MTPN: variants seen among roughly 807,000 people sequenced by gnomAD.
MTPN encodes myotrophin.
Under a neutral mutation model 13.5 loss-of-function variants are expected in MTPN, and 2 were observed. That is an observed-to-expected ratio of 0.15 (90% CI 0.06 to 0.47). MTPN has a LOEUF of 0.47. Among genes scored for constraint, MTPN ranks in the 20% least tolerant of loss-of-function variants. MTPN has a pLI of 0.97. For missense variants in MTPN, 79 were observed against 137.9 expected, an observed-to-expected ratio of 0.57 and a Z score of 2.14; for synonymous variants, 46 against 51.7, an observed-to-expected ratio of 0.89 and a Z score of 0.48.
rs1261048636 is a variant in MTPN at position 135,977,260 on chromosome 7, G to A, written c.-160C>T. ...TGCCAGGCGGGCGAGGCAGTTGGCC[G>A]CGGCGACCGTTCGGGCGGGAGAAAG... is the stretch of plus-strand genomic sequence containing the variant. On this transcript the variant is annotated 5_prime_UTR_variant, in exon 1 of 4. Coordinates refer to ENST00000393085, the MANE Select transcript of MTPN (RefSeq NM_145808.4). The A allele has an allele frequency of 3.3e-5, 23 of 704,496 alleles. No homozygotes were observed. In the Admixed American group the frequency reaches 5.1e-4, roughly 16 times the overall value. The allele number at this position is 704,496 out of a possible 1,614,324, so 43.6% of individuals were successfully genotyped here. A position where few individuals can be genotyped will look rare whatever the true frequency, so the allele number is the denominator to read the frequency against.
At chr7:135,966,426 T>C (rs917564009) in intron 1 of MTPN, among the ~76,000 whole-genome samples, 3 of 152,090 alleles carry the variant, frequency 2.0e-5, no homozygotes, top group African/African-American at 7.2e-5. Context: ...AGTACCATCA[T>C]GCATATCCCT....
intron 1 of MTPN, among the ~76,000 whole-genome samples, chr7:135,959,136 A>C (rs1033414610): frequency 1.3e-5 from 2 of 152,184 alleles, no homozygotes; most frequent in African/African-American, 4.8e-5. Flanking sequence ...AAAGTTGTGA[A>C]CACACTATGT....
intron 1 of MTPN, chr7:135,960,805 T>A (rs573683923): frequency 1.3e-5 from 2 of 151,552 alleles, no homozygotes; most frequent in African/African-American, 4.9e-5. Context: ...ACAGTCCATA[T>A]TTTTTTGGTT....
chr7:135,968,181 A>G (rs1044978588), intron 1 of MTPN, among the ~76,000 whole-genome samples: 3 of 152,034 alleles, frequency 2.0e-5, no homozygotes, highest in African/African-American at 7.2e-5. Flanking sequence ...ATTCTTTTTT[A>G]TATGTCAAAT....
At chr7:135,943,250 T>C (rs1799241163) in intron 3 of MTPN, among the ~76,000 whole-genome samples, 2 of 152,194 alleles carry the variant, frequency 1.3e-5, no homozygotes, top group South Asian at 4.1e-4. Flanking sequence ...AAGTAACAAA[T>C]AGTAATTCAA....
rs1343659985 is a variant in MTPN, at chr7:135,930,017, A to G, written c.271-5T>C. 1 of 1,611,454 alleles carries G rather than the reference A, an allele frequency of 6.2e-7. No homozygotes were observed. The highest frequency in any genetic ancestry group is 8.5e-7 in the Non-Finnish European group (1 of 1,179,600). ...TTTCACAGTCTTATCAGCACCCTGGAAAAGAGAGGAAAGGGCTCATTAAAT... is the reference window on the plus strand; with the variant it reads ...TTTCACAGTCTTATCAGCACCCTGGGAAAGAGAGGAAAGGGCTCATTAAAT... On this transcript the variant is annotated splice_polypyrimidine_tract_variant and splice_region_variant and intron_variant, in intron 3 of 3. Transcript: ENST00000393085.
At chr7:135,944,549 A>G (rs1198248561) in intron 3 of MTPN, among the ~76,000 whole-genome samples, 1 of 152,038 alleles carries the variant, frequency 6.6e-6, no homozygotes, top group Admixed American at 6.6e-5. Flanking sequence ...TGGTAATCCC[A>G]GCTACTTGGG....
rs201338460 is a variant in MTPN, at chr7:135,969,089, G to T, written c.72+7940C>A. Among the ~76,000 whole-genome samples the T allele has an allele frequency of 5.2e-4, 12 of 22,950 alleles. 1 individual carries two copies. Among genetic ancestry groups the T allele is most frequent in the Admixed American group, 1.2e-3 (3 of 2,536 alleles). The allele number at this position is 22,950 out of a possible 152,430, so 15.1% of individuals were successfully genotyped here. A position where few individuals can be genotyped will look rare whatever the true frequency, so the allele number is the denominator to read the frequency against. ...CACACTCTGGGGACTGTTGTGGGGT[G>T]GGGGGGGGGGAGGAGGGAGGGATAG... On this transcript the variant is annotated intron_variant, in intron 1 of 3. Transcript: ENST00000393085.
intron 3 of MTPN, among the ~76,000 whole-genome samples, chr7:135,945,875 G>A (rs566558527): frequency 1.1e-4 from 16 of 152,174 alleles, no homozygotes; most frequent in African/African-American, 1.7e-4. Context: ...TGACTGAAAC[G>A]TCATTATATG....
At chr7:135,939,760 T>TA (rs1477915847) in intron 3 of MTPN, among the ~76,000 whole-genome samples, 1 of 152,164 alleles carries the variant, frequency 6.6e-6, no homozygotes, top group Non-Finnish European at 1.5e-5. Flanking sequence ...CCACAGTCTG[T>TA]AATTAACCAT....
At chr7:135,934,221 A>G (rs148803771) in intron 3 of MTPN, among the ~76,000 whole-genome samples, 26 of 152,280 alleles carry the variant, frequency 1.7e-4, no homozygotes, top group African/African-American at 6.3e-4. Context: ...AATTGAACTA[A>G]GTTAATTTAT....
chr7:135,963,985 T>A (rs1799567141), intron 1 of MTPN, among the ~76,000 whole-genome samples: 1 of 151,992 alleles, frequency 6.6e-6, no homozygotes. Context: ...AAAATTTTAA[T>A]AACAAAACAC....
intron 2 of MTPN, 106 bp from the exon 3 acceptor site, chr7:135,950,788 AAATC>A (rs1410856567): frequency 8.4e-5 from 72 of 856,238 alleles, no homozygotes; most frequent in Middle Eastern, 3.3e-4. Flanking sequence ...CCTTTCTAGA[AAATC>A]AATCAATCAA....
rs750433483 is a variant in MTPN, at chr7:135,977,022, C to T, written c.72+7G>A. On this transcript the variant is annotated splice_region_variant and intron_variant, in intron 1 of 3. Coordinates refer to ENST00000393085, the MANE Select transcript of MTPN (RefSeq NM_145808.4). ...TGTTCTCGCCTACTCTTCTCATCCC[C>T]GCTTACCTTGGCCACATAGTCTTTC... The T allele has an allele frequency of 3.1e-6, 5 of 1,613,894 alleles. No homozygotes were observed. Among genetic ancestry groups the T allele is most frequent in the East Asian group, 2.2e-5 (1 of 44,882 alleles).
At chr7:135,946,767 T>C (rs112902298) in intron 3 of MTPN, among the ~76,000 whole-genome samples, 5 of 152,204 alleles carry the variant, frequency 3.3e-5, no homozygotes, top group Admixed American at 2.0e-4. Context: ...TAATTCTAAA[T>C]GACACATGAT....
chr7:135,953,080 T>C (rs771927191), intron 1 of MTPN, among the ~76,000 whole-genome samples: 2 of 152,166 alleles, frequency 1.3e-5, no homozygotes, highest in African/African-American at 2.4e-5. Flanking sequence ...CTATAAACCA[T>C]TCTTTCAAAC....
At chr7:135,945,349 A>C (rs1160001172) in intron 3 of MTPN, among the ~76,000 whole-genome samples, 3 of 152,224 alleles carry the variant, frequency 2.0e-5, no homozygotes, top group Non-Finnish European at 4.4e-5. Context: ...TTTACTTTAT[A>C]AACTTTTAAA....
At chr7:135,969,406 G>A (rs955604962) in intron 1 of MTPN, among the ~76,000 whole-genome samples, 2 of 151,274 alleles carry the variant, frequency 1.3e-5, no homozygotes, top group Non-Finnish European at 2.9e-5. Flanking sequence ...TAGTTATAAT[G>A]TAGTATCTCA....
chr7:135,937,664 G>A (rs1799137914), intron 3 of MTPN, among the ~76,000 whole-genome samples: 3 of 152,080 alleles, frequency 2.0e-5, no homozygotes, highest in Admixed American at 1.3e-4. Flanking sequence ...GGTTTGAACT[G>A]TGCAGGTCCA....
Sources: gnomAD v4.1 joint callset for allele counts (sites outside exome capture counted in the v4.1 genomes callset) on GRCh38, gnomAD v4.1.1 for gene constraint, MANE v1.5 for transcripts, NCBI Gene and HGNC (gene_info 2026-07-23, HGNC 2026-07-21) for gene names.